Variants in RBPJ observed in about 807,000 individuals in gnomAD.
RBPJ encodes recombination signal binding protein for immunoglobulin kappa J region, also known as recombining binding protein suppressor of hairless.
Under a neutral mutation model 67.8 loss-of-function variants are expected in RBPJ, and 9 were observed. The observed-to-expected ratio is 0.13, with a 90% CI of 0.08 to 0.23. RBPJ has a LOEUF of 0.23. Among genes scored for constraint, RBPJ ranks in the 10% least tolerant of loss-of-function variants. The pLI is 1.00. For missense variants in RBPJ, 305 were observed against 595.6 expected, an observed-to-expected ratio of 0.51 and a Z score of 5.08; for synonymous variants, 198 against 203.3, an observed-to-expected ratio of 0.97 and a Z score of 0.22.
At chr4:26,240,793 C>T (rs1242031486) in intron 1 of RBPJ, among the ~76,000 whole-genome samples, 3 of 152,174 alleles carry the variant, frequency 2.0e-5, no homozygotes, top group Middle Eastern at 3.4e-3. Flanking sequence ...AAACTGCCTT[C>T]GTTTTGTGCA....
At position 26,289,651 on chromosome 4, in the gene RBPJ, C is replaced by G. The variant is rs188150896; in HGVS notation, c.-166-72795C>G. Among the ~76,000 whole-genome samples, 364 of 150,736 alleles carry G rather than the reference C, an allele frequency of 2.4e-3. 11 individuals carry two copies. Among genetic ancestry groups the G allele is most frequent in the Non-Finnish European group, 3.7e-3 (250 of 67,586 alleles). ...TACCGCTTAACATTGTGGTCAGTAT[C>G]TTCAATCACACGCTTGCAAAAGATG... is the stretch of plus-strand genomic sequence containing the variant. On this transcript the variant is annotated intron_variant, in intron 1 of 4. Coordinates refer to the RBPJ transcript ENST00000512351.
intron 1 of RBPJ, among the ~76,000 whole-genome samples, chr4:26,342,975 T>C (rs1404428869): frequency 6.6e-6 from 1 of 152,254 alleles, no homozygotes; most frequent in Non-Finnish European, 1.5e-5. Context: ...TATGTAAAAC[T>C]GTTGTATAAA....
chr4:26,156,828 G>A, the RBPJ span, among the ~76,000 whole-genome samples: 1 of 152,026 alleles, frequency 6.6e-6, no homozygotes, highest in African/African-American at 2.4e-5. Context: ...CCAGCACTTT[G>A]GGCAGCAGAG....
chr4:26,405,341 G>T (rs1733283500), intron 2 of RBPJ, among the ~76,000 whole-genome samples: 1 of 152,094 alleles, frequency 6.6e-6, no homozygotes, highest in South Asian at 2.1e-4. Flanking sequence ...ATTTAAGTTT[G>T]GGATGTGTAA....
chr4:26,397,145 C>T (rs1732200401), intron 2 of RBPJ, among the ~76,000 whole-genome samples: 1 of 152,186 alleles, frequency 6.6e-6, no homozygotes, highest in African/African-American at 2.4e-5. Flanking sequence ...ATTAGTTTCA[C>T]TTTATTTTAT....
chr4:26,413,659 A>G (rs1236500542), intron 3 of RBPJ, among the ~76,000 whole-genome samples: 2 of 152,214 alleles, frequency 1.3e-5, no homozygotes, highest in East Asian at 3.9e-4. Flanking sequence ...AGTAGGTTCC[A>G]TTAATATATT....
Position 26,394,218 on chromosome 4 carries a change from G to A in RBPJ, c.59+7827G>A, listed in dbSNP as rs900338304. ...ATTTTTTTGTATTTTTAGTAGAGAC[G>A]GGGTTTCACCGTGTTAGCCAGGATG... On this transcript the variant is annotated intron_variant, in intron 2 of 10. Transcript: ENST00000355476. Among the ~76,000 whole-genome samples, 4 of 151,860 alleles carry A rather than the reference G, an allele frequency of 2.6e-5. No homozygotes were observed. The South Asian group carries it at 6.2e-4, about 24-fold the overall frequency.
chr4:26,256,789 G>A (rs778895057), intron 1 of RBPJ, among the ~76,000 whole-genome samples: 8 of 152,292 alleles, frequency 5.3e-5, no homozygotes, highest in Middle Eastern at 3.4e-3. Context: ...TACAATCACC[G>A]TATTTATGAG....
At chr4:26,330,641 C>CCA (rs1428135362) in intron 1 of RBPJ, among the ~76,000 whole-genome samples, 1 of 152,184 alleles carries the variant, frequency 6.6e-6, no homozygotes. Flanking sequence ...CACAAGTGAA[C>CCA]AAAGCACATT....
chr4:26,322,695 C>A (rs1723215399), intron 1 of RBPJ, among the ~76,000 whole-genome samples: 1 of 151,010 alleles, frequency 6.6e-6, no homozygotes, highest in Admixed American at 6.6e-5. Flanking sequence ...ACGTAATAGC[C>A]TGTAGTGAGA....
rs901796450 is a variant in RBPJ at position 26,423,410 on chromosome 4, G to A, written c.497-932G>A. On this transcript the variant is annotated intron_variant, in intron 5 of 10. Transcript: ENST00000355476. ...TAACTGAGCTAAACAGACTGATGACGGGGCTCAAGGACAAATACTAGTTGA... is the reference window on the plus strand; with the variant it reads ...TAACTGAGCTAAACAGACTGATGACAGGGCTCAAGGACAAATACTAGTTGA... Among the ~76,000 whole-genome samples the A allele has an allele frequency of 3.9e-5, 6 of 152,260 alleles. No homozygotes were observed. The East Asian group carries it at 9.6e-4, about 24-fold the overall frequency.
At chr4:26,299,923 G>A (rs1722021700) in intron 1 of RBPJ, among the ~76,000 whole-genome samples, 1 of 151,960 alleles carries the variant, frequency 6.6e-6, no homozygotes, top group Non-Finnish European at 1.5e-5. Flanking sequence ...CACCTCAGGT[G>A]ATCCACCCGC....
chr4:26,414,565 T>C (rs1377136693), intron 3 of RBPJ, among the ~76,000 whole-genome samples: 3 of 152,168 alleles, frequency 2.0e-5, no homozygotes. Flanking sequence ...TAGAGAGATA[T>C]GGCATAGATG....
At chr4:26,245,258 G>T (rs984121704) in intron 1 of RBPJ, among the ~76,000 whole-genome samples, 5 of 145,236 alleles carry the variant, frequency 3.4e-5, no homozygotes, top group Non-Finnish European at 7.5e-5. Flanking sequence ...ACACAGGCTG[G>T]AGTCCAGTGG....
rs78980466 is a variant in RBPJ, at chr4:26,288,351, C to T, written c.-166-74095C>T. 8.3e-3 allele frequency among the ~76,000 whole-genome samples: 1,261 copies of T among 152,306 alleles called. 19 individuals are homozygous for T. The highest frequency in any genetic ancestry group is 0.029 in the African/African-American group (1,186 of 41,570). ...GTTTCCAAGGTGGCGCTCTCATGGC[C>T]GATGGCAGAGTCTTCAGTTGCTTAT... On this transcript the variant is annotated intron_variant, in intron 1 of 4. Coordinates refer to the RBPJ transcript ENST00000512351.
intron 1 of RBPJ, among the ~76,000 whole-genome samples, chr4:26,180,923 C>T (rs1008952829): frequency 2.6e-5 from 4 of 152,062 alleles, no homozygotes; most frequent in Non-Finnish European, 5.9e-5. Flanking sequence ...ATCATAGAGG[C>T]GAGTATTTCC....
chr4:26,283,166 T>TAATCCAC (rs1314211446), intron 1 of RBPJ, among the ~76,000 whole-genome samples: 1 of 149,044 alleles, frequency 6.7e-6, no homozygotes, highest in African/African-American at 2.4e-5. Flanking sequence ...CCTGACCTCG[T>TAATCCAC]AATCCACCCG....
chr4:26,321,181 C>T (rs1004973215), intron 1 of RBPJ, 133 bp downstream of exon 1: 1 of 282,548 alleles, frequency 3.5e-6, no homozygotes, highest in Non-Finnish European at 5.7e-6. Context: ...TCGCGTGCGC[C>T]GAGCGCGGCG....
At chr4:26,307,070 T>A (rs967771985) in intron 1 of RBPJ, among the ~76,000 whole-genome samples, 1 of 152,124 alleles carries the variant, frequency 6.6e-6, no homozygotes, top group African/African-American at 2.4e-5. Context: ...GCCAAAAAAA[T>A]AAAGAACTCA....
Sources: gnomAD v4.1 joint callset for allele counts (sites outside exome capture counted in the v4.1 genomes callset) on GRCh38, gnomAD v4.1.1 for gene constraint, MANE v1.5 for transcripts, NCBI Gene and HGNC (gene_info 2026-07-23, HGNC 2026-07-21) for gene names.